Variants in RBFOX2 observed in about 807,000 individuals in gnomAD.
The protein encoded by RBFOX2 is RNA binding protein fox-1 homolog 2.
In RBFOX2, 10 loss-of-function variants were observed where a neutral mutation model predicts 49.1. That is an observed-to-expected ratio of 0.20 (90% confidence interval 0.13 to 0.35). The LOEUF is 0.35. Among genes scored for constraint, RBFOX2 ranks in the 10% least tolerant of loss-of-function variants. The pLI is 1.00. For synonymous variants in RBFOX2, 183 were observed against 187.4 expected, an observed-to-expected ratio of 0.98 and a Z score of 0.19; for missense variants, 323 against 486.9, an observed-to-expected ratio of 0.66 and a Z score of 3.17.
intron 4 of RBFOX2, among the ~76,000 whole-genome samples, chr22:35,770,843 A>G (rs1418343675): frequency 6.6e-6 from 1 of 152,172 alleles, no homozygotes; most frequent in East Asian, 1.9e-4. Flanking sequence ...ACATTCTGGA[A>G]CAAAATTTCA....
chr22:35,973,844 C>T (rs934345830), intron 1 of RBFOX2, among the ~76,000 whole-genome samples: 1 of 152,140 alleles, frequency 6.6e-6, no homozygotes, highest in African/African-American at 2.4e-5. Context: ...TCCTTGGCCA[C>T]GGCATAGGGG....
upstream of RBFOX2, among the ~76,000 whole-genome samples, chr22:35,963,944 C>G (rs1235437082): frequency 6.6e-6 from 1 of 152,134 alleles, no homozygotes; most frequent in African/African-American, 2.4e-5. Flanking sequence ...TGGGGTTACA[C>G]CATATTGGCC....
At chr22:35,739,248 G>A (rs940416376) in exon 12 of RBFOX2, 1 of 152,538 alleles carries the variant, frequency 6.6e-6, no homozygotes, top group Non-Finnish European at 1.5e-5. Context: ...ATGTAGGGAT[G>A]GTCCGGTCCC....
chr22:35,760,015 C>G, exon 9 of RBFOX2: 1 of 1,613,740 alleles, frequency 6.2e-7, no homozygotes, highest in Non-Finnish European at 8.5e-7. Context: ...TAAGGGAAGC[C>G]AGGAACTAAA....
chr22:35,858,261 G>A (rs1324296660), intron 1 of RBFOX2, among the ~76,000 whole-genome samples: 1 of 152,108 alleles, frequency 6.6e-6, no homozygotes, highest in Admixed American at 6.5e-5. Flanking sequence ...CTCTATCAAG[G>A]AGAATTTTTA....
At chr22:35,863,505 C>T (rs1420907109) in intron 1 of RBFOX2, among the ~76,000 whole-genome samples, 1 of 152,114 alleles carries the variant, frequency 6.6e-6, no homozygotes, top group East Asian at 1.9e-4. Flanking sequence ...TGCCCCTCTT[C>T]TTGGATTGTG....
chr22:35,757,656 T>C (rs550266936), intron 9 of RBFOX2, among the ~76,000 whole-genome samples: 2 of 152,328 alleles, frequency 1.3e-5, no homozygotes, highest in African/African-American at 4.8e-5. Context: ...ATGCCCCAAA[T>C]ATGCTATGCC....
chr22:35,892,944 T>C (rs1344546163), intron 1 of RBFOX2, among the ~76,000 whole-genome samples: 1 of 152,236 alleles, frequency 6.6e-6, no homozygotes, highest in African/African-American at 2.4e-5. Context: ...TGCCTCCCAC[T>C]GAATGCGTGA....
chr22:35,787,147 C>T (rs1491004027), intron 2 of RBFOX2, among the ~76,000 whole-genome samples: 1 of 152,152 alleles, frequency 6.6e-6, no homozygotes, highest in Non-Finnish European at 1.5e-5. Context: ...TCAACTGATC[C>T]TCCTGCCTTA....
intron 1 of RBFOX2, among the ~76,000 whole-genome samples, chr22:35,933,762 T>C (rs2052693271): frequency 6.6e-6 from 1 of 151,994 alleles, no homozygotes; most frequent in Non-Finnish European, 1.5e-5. Context: ...GGGACGCTTT[T>C]AACAGTCTTA....
intron 9 of RBFOX2, among the ~76,000 whole-genome samples, chr22:35,757,567 T>C (rs1301459578): frequency 6.6e-6 from 1 of 152,172 alleles, no homozygotes; most frequent in Non-Finnish European, 1.5e-5. Context: ...TTATTTCTTA[T>C]AGGTAGGTGG....
upstream of RBFOX2, among the ~76,000 whole-genome samples, chr22:35,965,878 T>A (rs1395935407): frequency 2.0e-5 from 3 of 152,172 alleles, no homozygotes; most frequent in Admixed American, 6.5e-5. Flanking sequence ...AAGTAAACTT[T>A]CTACCAAAGC....
At chr22:35,837,599 T>C (rs1486793392) in intron 1 of RBFOX2, among the ~76,000 whole-genome samples, 2 of 152,060 alleles carry the variant, frequency 1.3e-5, no homozygotes. Flanking sequence ...TTGATTGTTT[T>C]CCCCCTAGAT....
chr22:35,945,805 C>T (rs2054213878), intron 1 of RBFOX2, among the ~76,000 whole-genome samples: 1 of 152,030 alleles, frequency 6.6e-6, no homozygotes, highest in African/African-American at 2.4e-5. Context: ...GTTCAAAATA[C>T]CTAGAGATAA....
At position 35,860,268 on chromosome 22, in the gene RBFOX2, G is replaced by A. The variant is rs114971550; in HGVS notation, c.-33-50264C>T. On this transcript the variant is annotated intron_variant, in intron 1 of 13. Transcript: ENST00000359369. Reference sequence around the variant, plus strand: ...CTCTCTTGCTACTCTCTGGAACCCCGACACTACTGTGTGAAGAAGTGTGAA... The same window carrying A: ...CTCTCTTGCTACTCTCTGGAACCCCAACACTACTGTGTGAAGAAGTGTGAA... 2.5e-3 allele frequency among the ~76,000 whole-genome samples: 386 copies of A among 152,194 alleles called. 1 individual carries two copies. Among genetic ancestry groups the A allele is most frequent in the African/African-American group, 8.7e-3 (360 of 41,510 alleles).
At chr22:35,967,570 G>T (rs191171188) in intron 1 of RBFOX2, among the ~76,000 whole-genome samples, 10 of 152,170 alleles carry the variant, frequency 6.6e-5, no homozygotes, top group African/African-American at 2.4e-4. Context: ...GATGAAAATG[G>T]TAAGAGATGT....
At chr22:35,840,653 T>TGTGTGG, upstream of RBFOX2, 1 of 1,027,710 alleles carries the variant, frequency 9.7e-7, no homozygotes, top group Non-Finnish European at 1.2e-6. Context: ...TGTGTGTGTG[T>TGTGTGG]GTGTAGGGGG....
At chr22:35,938,851 C>T (rs1270268246) in exon 1 of RBFOX2, 3 of 1,613,688 alleles carry the variant, frequency 1.9e-6, no homozygotes, top group Non-Finnish European at 2.5e-6. Flanking sequence ...ACCAACCTGG[C>T]TGTCCCGCGC....
chr22:35,933,845 T>A (rs1485226965), intron 1 of RBFOX2, among the ~76,000 whole-genome samples: 3 of 151,358 alleles, frequency 2.0e-5, no homozygotes, highest in African/African-American at 7.3e-5. Context: ...AGCTGAGTTG[T>A]ATGCTTACCA....
Sources: allele counts gnomAD v4.1 joint callset (sites outside exome capture counted in the v4.1 genomes callset), GRCh38; gene constraint gnomAD v4.1.1; transcripts MANE v1.5; gene names NCBI Gene and HGNC (gene_info 2026-07-23, HGNC 2026-07-21).